ZNF83: variants seen among roughly 807,000 people sequenced by gnomAD.
ZNF83 encodes the protein zinc finger protein 816B.
For synonymous variants in ZNF83, 209 were observed against 213.0 expected (o/e 0.98, Z 0.17); for missense variants, 552 against 629.9 (o/e 0.88, Z 1.32).
intron 2 of ZNF83, among the ~76,000 whole-genome samples, chr19:52,659,867 C>T (rs1233894097): frequency 1.3e-5 from 2 of 152,124 alleles, no homozygotes; most frequent in Non-Finnish European, 2.9e-5. Context: ...AGCTAACTCT[C>T]ACCCAAGAGG....
At chr19:52,626,846 A>ACTT (rs1251470671) in intron 2 of ZNF83, among the ~76,000 whole-genome samples, 8 of 151,910 alleles carry the variant, frequency 5.3e-5, no homozygotes, top group African/African-American at 1.9e-4. Context: ...CCACCCCAAC[A>ACTT]CTTCACTATT....
chr19:52,687,032 T>G (rs1680333397), intron 1 of ZNF83, among the ~76,000 whole-genome samples: 1 of 151,568 alleles, frequency 6.6e-6, no homozygotes, highest in South Asian at 2.1e-4. Context: ...AAATACAAAA[T>G]TGGCCCAGAG....
intron 1 of ZNF83, among the ~76,000 whole-genome samples, chr19:52,677,500 A>G (rs763700266): frequency 6.6e-6 from 1 of 151,854 alleles, no homozygotes; most frequent in Non-Finnish European, 1.5e-5. Context: ...AGAAAAAAAG[A>G]AAAAGAGATC....
intron 1 of ZNF83, among the ~76,000 whole-genome samples, chr19:52,675,268 C>T (rs2061783439): frequency 6.6e-6 from 1 of 152,200 alleles, no homozygotes; most frequent in Non-Finnish European, 1.5e-5. Context: ...CCCCAATTTG[C>T]ATGTACGGTA....
At chr19:52,621,398 A>G (rs1220426686) in intron 2 of ZNF83, among the ~76,000 whole-genome samples, 2 of 152,166 alleles carry the variant, frequency 1.3e-5, no homozygotes, top group African/African-American at 4.8e-5. Context: ...TGTTTTATCC[A>G]TGAACCCAAA....
At chr19:52,677,056 T>C (rs940279200) in intron 1 of ZNF83, among the ~76,000 whole-genome samples, 1 of 147,354 alleles carries the variant, frequency 6.8e-6, no homozygotes, top group African/African-American at 2.5e-5. Flanking sequence ...TCTGCTGACC[T>C]TCCCTCCACT....
rs183853336 is a variant in ZNF83, at chr19:52,654,089, C to T, written c.-74+1472G>A. 3.8e-3 allele frequency: 6,105 copies of T among 1,601,488 alleles called. 17 individuals are homozygous for T. Among genetic ancestry groups the T allele is most frequent in the East Asian group, 4.9e-3 (217 of 44,718 alleles). On this transcript the variant is annotated intron_variant, in intron 3 of 5. Coordinates refer to the ZNF83 transcript ENST00000594682. ...TCAATTTTCCCTTCAGTCTGAAATT[C>T]GTGCAGTTCAGGCAGATGTGAATAA...
At chr19:52,689,429 C>T (rs1375729731) in intron 1 of ZNF83, among the ~76,000 whole-genome samples, 1 of 152,026 alleles carries the variant, frequency 6.6e-6, no homozygotes, top group Non-Finnish European at 1.5e-5. Flanking sequence ...CCCAGGTGTC[C>T]TCCCTGCTGT....
intron 1 of ZNF83, among the ~76,000 whole-genome samples, chr19:52,661,920 C>A (rs1409225616): frequency 6.6e-6 from 1 of 151,476 alleles, no homozygotes; most frequent in African/African-American, 2.4e-5. Flanking sequence ...ACAGAGAGTC[C>A]TAGGCCGAGG....
intron 1 of ZNF83, among the ~76,000 whole-genome samples, chr19:52,689,987 G>A (rs1401220381): frequency 6.6e-6 from 1 of 152,146 alleles, no homozygotes; most frequent in Non-Finnish European, 1.5e-5. Context: ...GGGGGCGACG[G>A]CGCCTGAGGA....
chr19:52,667,083 C>G (rs904538104), intron 1 of ZNF83, among the ~76,000 whole-genome samples: 1 of 152,202 alleles, frequency 6.6e-6, no homozygotes, highest in South Asian at 2.1e-4. Context: ...CCCAAACTTA[C>G]AACGTTTTCA....
At chr19:52,624,937 G>A (rs552907650) in intron 2 of ZNF83, among the ~76,000 whole-genome samples, 2 of 152,070 alleles carry the variant, frequency 1.3e-5, no homozygotes, top group South Asian at 4.2e-4. Context: ...AATTACCATT[G>A]TTCCTGGCCC....
chr19:52,683,476 C>A (rs1177521312), intron 1 of ZNF83, among the ~76,000 whole-genome samples: 1 of 140,496 alleles, frequency 7.1e-6, no homozygotes, highest in Non-Finnish European at 1.5e-5. Flanking sequence ...GTCCTTCATG[C>A]CCCTCAGGTC....
intron 2 of ZNF83, among the ~76,000 whole-genome samples, chr19:52,656,864 CAA>C (rs112522632): frequency 7.3e-6 from 1 of 136,564 alleles, no homozygotes; most frequent in Non-Finnish European, 1.6e-5. Flanking sequence ...GACTCCGTCT[CAA>C]AAAAAAAAAA....
intron 1 of ZNF83, among the ~76,000 whole-genome samples, chr19:52,667,566 C>T (rs1383300690): frequency 1.3e-5 from 2 of 152,096 alleles, no homozygotes; most frequent in African/African-American, 2.4e-5. Context: ...TTTTTACCTA[C>T]ATTGAAAGAT....
intron 3 of ZNF83, among the ~76,000 whole-genome samples, chr19:52,644,514 A>T (rs895695530): frequency 5.3e-5 from 8 of 152,212 alleles, no homozygotes; most frequent in African/African-American, 1.9e-4. Context: ...ATTGAAAATT[A>T]AAGAAGTGTC....
In ZNF83 at chr19:52,638,128, C is replaced by T. The variant is rs755787450; in HGVS notation, c.-322+184G>A. Among the ~76,000 whole-genome samples, 38 of 152,202 alleles carry T rather than the reference C, an allele frequency of 2.5e-4. 1 individual carries two copies. Among genetic ancestry groups the T allele is most frequent in the Admixed American group, 6.5e-4 (10 of 15,278 alleles). Reference sequence around the variant, plus strand: ...CCTACAGCAGAAAGACCGGGGACAGCCCAGCCTCAGGGCGACTTTAAACCC... The same window carrying T: ...CCTACAGCAGAAAGACCGGGGACAGTCCAGCCTCAGGGCGACTTTAAACCC... On this transcript the variant is annotated intron_variant, in intron 1 of 2. Coordinates refer to ENST00000301096, the Ensembl canonical transcript of ZNF83.
chr19:52,620,576 T>C (rs940805352), intron 2 of ZNF83, among the ~76,000 whole-genome samples: 1 of 152,114 alleles, frequency 6.6e-6, no homozygotes, highest in Non-Finnish European at 1.5e-5. Flanking sequence ...AAGAGGAAGG[T>C]AGCCATATTT....
chr19:52,633,494 G>A (rs2061042912), intron 2 of ZNF83, among the ~76,000 whole-genome samples: 1 of 152,130 alleles, frequency 6.6e-6, no homozygotes. Flanking sequence ...ACCTGGCACA[G>A]AACTGACAGT....
Sources: allele counts gnomAD v4.1 joint callset (sites outside exome capture counted in the v4.1 genomes callset), GRCh38; gene constraint gnomAD v4.1.1; transcripts MANE v1.5; gene names NCBI Gene and HGNC (gene_info 2026-07-23, HGNC 2026-07-21).